Variants in AIDA observed in about 807,000 individuals in gnomAD.
AIDA encodes the protein axin interactor, dorsalization-associated protein.
Under a neutral mutation model 42.7 loss-of-function variants are expected in AIDA, and 18 were observed. That is an observed-to-expected ratio of 0.42 (90% CI 0.29 to 0.63). The LOEUF is 0.63. Ranked by LOEUF, AIDA falls within the 20% of genes least tolerant of loss-of-function variation. AIDA has a pLI of 0.19. For synonymous variants in AIDA, 104 were observed against 122.9 expected (o/e 0.85, Z 1.02); for missense variants, 250 against 354.1 (o/e 0.71, Z 2.36).
chr1:222,687,084 T>C (rs746024974), intron 5 of AIDA, 48 bp from the exon 6 acceptor site: 21 of 1,588,420 alleles, frequency 1.3e-5, no homozygotes, highest in Non-Finnish European at 1.7e-5. Context: ...AAACTAAATA[T>C]ACTAGTGAAG....
In AIDA at chr1:222,704,033, C is replaced by T. The variant is rs532498852; in HGVS notation, c.111-816G>A. Among the ~76,000 whole-genome samples the T allele has an allele frequency of 3.9e-4, 59 of 152,226 alleles. 1 individual carries two copies. The South Asian group carries it at 0.012, about 31-fold the overall frequency. ...GAAGACATAAAATGGTCAATAAGCACATGAAAAGATGATCAACATTACTAG... is the reference window on the plus strand; with the variant it reads ...GAAGACATAAAATGGTCAATAAGCATATGAAAAGATGATCAACATTACTAG... On this transcript the variant is annotated intron_variant, in intron 1 of 9. Transcript: ENST00000340020.
At chr1:222,681,028 A>T (rs1405443418) in intron 6 of AIDA, among the ~76,000 whole-genome samples, 1 of 152,214 alleles carries the variant, frequency 6.6e-6, no homozygotes, top group African/African-American at 2.4e-5. Context: ...ACTATAAAAA[A>T]AAAGCTTCTC....
chr1:222,676,245 G>A (rs142692244), intron 6 of AIDA, 27 bp from the exon 7 acceptor site: 49 of 1,595,670 alleles, frequency 3.1e-5, no homozygotes, highest in Middle Eastern at 1.7e-4. Flanking sequence ...AGCAATAAAA[G>A]CTCCATATCA....
chr1:222,706,968 G>C (rs909574076), intron 1 of AIDA, among the ~76,000 whole-genome samples: 2 of 151,930 alleles, frequency 1.3e-5, no homozygotes, highest in African/African-American at 2.4e-5. Context: ...TCTGTTGCTA[G>C]AGTGGGAATA....
At chr1:222,696,231 A>G (rs948630596) in intron 2 of AIDA, among the ~76,000 whole-genome samples, 1 of 152,224 alleles carries the variant, frequency 6.6e-6, no homozygotes, top group Non-Finnish European at 1.5e-5. Context: ...ACTCTCTCAA[A>G]CAACTGTTGC....
chr1:222,689,432 T>G (rs1655286535), intron 4 of AIDA, among the ~76,000 whole-genome samples: 2 of 145,742 alleles, frequency 1.4e-5, no homozygotes, highest in African/African-American at 2.5e-5. Flanking sequence ...AGAGCCAGAC[T>G]GTCTCAAAAG....
chr1:222,678,990 T>C (rs1033660832), intron 6 of AIDA, among the ~76,000 whole-genome samples: 1 of 152,250 alleles, frequency 6.6e-6, no homozygotes, highest in East Asian at 1.9e-4. Flanking sequence ...CATTTTTGTA[T>C]TGTTTTCACT....
At chr1:222,699,569 A>T (rs1655624587) in intron 2 of AIDA, among the ~76,000 whole-genome samples, 1 of 152,100 alleles carries the variant, frequency 6.6e-6, no homozygotes. Flanking sequence ...GAAGTCACAA[A>T]CTCTATCTGT....
intron 8 of AIDA, among the ~76,000 whole-genome samples, chr1:222,671,414 C>T (rs1054825622): frequency 2.0e-5 from 3 of 152,196 alleles, no homozygotes; most frequent in African/African-American, 7.2e-5. Flanking sequence ...TCACTCTTCA[C>T]CAGCTACTTC....
chr1:222,670,784 T>C (rs1664433148), intron 8 of AIDA, among the ~76,000 whole-genome samples: 2 of 152,214 alleles, frequency 1.3e-5, no homozygotes, highest in Non-Finnish European at 2.9e-5. Flanking sequence ...TAACACCTTT[T>C]TCAGTATTCA....
intron 6 of AIDA, among the ~76,000 whole-genome samples, chr1:222,681,440 G>T (rs1438703570): frequency 1.3e-5 from 2 of 152,206 alleles, no homozygotes; most frequent in South Asian, 4.1e-4. Flanking sequence ...AAGGTGGGTG[G>T]ATTACCTGAG....
intron 7 of AIDA, among the ~76,000 whole-genome samples, chr1:222,673,998 A>G (rs1664500007): frequency 6.6e-6 from 1 of 151,564 alleles, no homozygotes; most frequent in Non-Finnish European, 1.5e-5. Context: ...GAGGCAGGAG[A>G]ATCTCTTGAA....
chr1:222,697,627 G>A (rs1285856477), intron 2 of AIDA, among the ~76,000 whole-genome samples: 1 of 151,796 alleles, frequency 6.6e-6, no homozygotes, highest in Non-Finnish European at 1.5e-5. Context: ...GTCATTGCTA[G>A]GAAAATTGAC....
intron 2 of AIDA, among the ~76,000 whole-genome samples, chr1:222,699,819 T>C (rs941068416): frequency 2.6e-5 from 4 of 151,936 alleles, no homozygotes; most frequent in Non-Finnish European, 5.9e-5. Context: ...TCGCCCAGGC[T>C]GGAGTGCAGT....
Position 222,712,208 on chromosome 1 carries a change from A to T in AIDA, c.110T>A (p.Ile37Lys). ...CCTGCTCCCGCGGTTAGTCACTCAC[A>T]TCTGATACTCGTCTATCGCCTCCAC... ...QLVEAIDEYQILARHLQKEAQ... is the reference protein window; with the variant it reads ...QLVEAIDEYQKLARHLQKEAQ... The change falls in exon 1 of 10, where the codon ATA becomes AAA. Residue 37 changes from isoleucine to lysine, a missense_variant and splice_region_variant. Physicochemically the swap from Ile to Lys is moderately radical, Grantham distance 102. Around this residue, in one of 4 missense-constraint regions of AIDA, gnomAD observed 199 missense variants for 232.6 expected, o/e 0.86. Coordinates refer to ENST00000340020, the MANE Select transcript of AIDA (RefSeq NM_022831.4). The T allele has an allele frequency of 6.2e-7, 1 of 1,600,268 alleles. No homozygotes were observed. The highest frequency in any genetic ancestry group is 8.5e-7 in the Non-Finnish European group (1 of 1,172,896).
At chr1:222,693,616 C>CA (rs1305365347) in intron 4 of AIDA, among the ~76,000 whole-genome samples, 173 bp downstream of exon 4, 1 of 151,846 alleles carries the variant, frequency 6.6e-6, no homozygotes. Flanking sequence ...AGGTAAAATC[C>CA]AAAAAATAAT....
At chr1:222,677,972 C>G (rs906306752) in intron 6 of AIDA, among the ~76,000 whole-genome samples, 1 of 151,990 alleles carries the variant, frequency 6.6e-6, no homozygotes, top group Non-Finnish European at 1.5e-5. Context: ...TTCCTAGGAA[C>G]AGGATTGCTA....
At chr1:222,675,860 A>G (rs1346433437) in intron 7 of AIDA, among the ~76,000 whole-genome samples, 4 of 152,250 alleles carry the variant, frequency 2.6e-5, no homozygotes, top group Non-Finnish European at 4.4e-5. Flanking sequence ...CACACAAAGA[A>G]AAACTCAAAA....
intron 4 of AIDA, among the ~76,000 whole-genome samples, chr1:222,689,217 C>T (rs1655278710): frequency 6.6e-6 from 1 of 151,588 alleles, no homozygotes; most frequent in South Asian, 2.1e-4. Flanking sequence ...GCAGATGGAT[C>T]CCTGGCAGAC....
Sources: gnomAD v4.1 joint callset for allele counts (sites outside exome capture counted in the v4.1 genomes callset) on GRCh38, gnomAD v4.1.1 for gene constraint, gnomAD v4.1.1 regional missense constraint, MANE v1.5 for transcripts, NCBI Gene and HGNC (gene_info 2026-07-23, HGNC 2026-07-21) for gene names.